The following SNX29 variants were observed in gnomAD, a reference collection of about 807,000 sequenced individuals.
SNX29 encodes sorting nexin-29.
Under a neutral mutation model 102.1 loss-of-function variants are expected in SNX29, and 78 were observed. The observed-to-expected ratio is 0.76, with a 90% confidence interval of 0.64 to 0.92. SNX29 has a LOEUF of 0.92. SNX29 is among the 40% of genes least tolerant of loss of function. SNX29 has a pLI of 0.00. For synonymous variants in SNX29, 580 were observed against 414.5 expected (o/e 1.40, Z -4.85); for missense variants, 1,280 against 1,061.7 (o/e 1.21, Z -2.86).
intron 15 of SNX29, among the ~76,000 whole-genome samples, chr16:12,332,117 G>A (rs1319014020): frequency 1.3e-5 from 2 of 152,214 alleles, no homozygotes; most frequent in Non-Finnish European, 2.9e-5. Context: ...TACTTTTGCT[G>A]TTACTGATGC....
intron 19 of SNX29, among the ~76,000 whole-genome samples, chr16:12,519,313 G>C (rs1275194772): frequency 1.3e-5 from 2 of 152,206 alleles, no homozygotes; most frequent in Non-Finnish European, 2.9e-5. Flanking sequence ...CGCAGGGGGA[G>C]TCCAGTCTGA....
At chr16:12,443,123 C>A in intron 18 of SNX29, 2 of 433,314 alleles carry the variant, frequency 4.6e-6, no homozygotes, top group South Asian at 3.3e-5. Context: ...GATGGAGCAT[C>A]TGCCTAAATC....
intron 13 of SNX29, among the ~76,000 whole-genome samples, chr16:12,152,561 C>G (rs965023645): frequency 6.6e-6 from 1 of 152,168 alleles, no homozygotes; most frequent in Non-Finnish European, 1.5e-5. Context: ...ATTCACCCAT[C>G]AAATGGGGCA....
At chr16:12,512,629 C>T (rs1484156805) in intron 19 of SNX29, among the ~76,000 whole-genome samples, 6 of 147,772 alleles carry the variant, frequency 4.1e-5, no homozygotes, top group African/African-American at 1.5e-4. Context: ...ACGAGCATCC[C>T]ATGGATACGC....
intron 14 of SNX29, among the ~76,000 whole-genome samples, chr16:12,209,172 G>T (rs2077120114): frequency 6.6e-6 from 1 of 152,200 alleles, no homozygotes; most frequent in Admixed American, 6.5e-5. Flanking sequence ...AAACTCACGG[G>T]TTGCAGGGGG....
intron 18 of SNX29, among the ~76,000 whole-genome samples, chr16:12,441,948 C>T (rs2085826798): frequency 1.3e-5 from 2 of 152,120 alleles, no homozygotes; most frequent in African/African-American, 2.4e-5. Context: ...GCCATTATGC[C>T]TGGCTAATTT....
chr16:12,540,611 G>C (rs113097321), intron 20 of SNX29, among the ~76,000 whole-genome samples: 8 of 152,258 alleles, frequency 5.3e-5, no homozygotes, highest in Middle Eastern at 3.4e-3. Flanking sequence ...GATTCCATGG[G>C]GTGGACCTAA....
At chr16:12,034,943 G>A (rs1462701248) in intron 4 of SNX29, among the ~76,000 whole-genome samples, 13 of 152,032 alleles carry the variant, frequency 8.6e-5, no homozygotes, top group African/African-American at 2.7e-4. Context: ...TCCAGGAGGC[G>A]GAGGATTCAG....
At chr16:12,266,190 G>T (rs985985913) in intron 14 of SNX29, among the ~76,000 whole-genome samples, 9 of 152,250 alleles carry the variant, frequency 5.9e-5, no homozygotes, top group Middle Eastern at 3.4e-3. Flanking sequence ...CTCCCAAAGT[G>T]CTGGGGTTGC....
chr16:12,568,657 TG>T lies in SNX29; in HGVS notation c.*29del. 1 of 1,597,542 alleles carries T rather than the reference TG, an allele frequency of 6.3e-7. No homozygotes were observed. The highest frequency in any genetic ancestry group is 1.1e-5 in the South Asian group (1 of 90,818). ...TCGACAAAACCGCAGCCACGGGCCC[TG>T]TGCGTGGCACCAGCTGCGTCCACCC... On this transcript the variant is annotated 3_prime_UTR_variant, in exon 21 of 21. Transcript: ENST00000566228.
intron 11 of SNX29, among the ~76,000 whole-genome samples, chr16:12,086,445 CTG>C (rs1317199017): frequency 6.6e-6 from 1 of 151,976 alleles, no homozygotes; most frequent in Non-Finnish European, 1.5e-5. Context: ...GGCAGGGTCT[CTG>C]TTGCCCAGGC....
chr16:12,245,095 AC>A (rs2078222523), intron 14 of SNX29, among the ~76,000 whole-genome samples: 1 of 152,024 alleles, frequency 6.6e-6, no homozygotes, highest in African/African-American at 2.4e-5. Flanking sequence ...AACAAAAATT[AC>A]TCCTAAATGG....
intron 18 of SNX29, among the ~76,000 whole-genome samples, chr16:12,461,248 C>A (rs368549033): frequency 2.0e-5 from 3 of 152,146 alleles, no homozygotes; most frequent in African/African-American, 7.2e-5. Context: ...TTGGAGCCAC[C>A]ACAAGTCTGG....
At chr16:12,505,485 T>C (rs1040884376) in intron 19 of SNX29, among the ~76,000 whole-genome samples, 1 of 152,214 alleles carries the variant, frequency 6.6e-6, no homozygotes, top group African/African-American at 2.4e-5. Context: ...AACATCCTTA[T>C]GCCAGTTCCT....
At chr16:12,317,299 C>T (rs1468452927) in intron 15 of SNX29, among the ~76,000 whole-genome samples, 3 of 152,214 alleles carry the variant, frequency 2.0e-5, no homozygotes, top group African/African-American at 7.2e-5. Flanking sequence ...CCCAGATGCG[C>T]AGGACTCAGT....
chr16:12,041,644 C>T (rs963314211), intron 4 of SNX29, among the ~76,000 whole-genome samples: 3 of 152,130 alleles, frequency 2.0e-5, no homozygotes, highest in African/African-American at 7.2e-5. Context: ...ATGGCTGCCC[C>T]ATTCTAGTCT....
chr16:12,495,274 C>G (rs1003413569), intron 19 of SNX29, among the ~76,000 whole-genome samples: 7 of 152,178 alleles, frequency 4.6e-5, no homozygotes, highest in African/African-American at 1.7e-4. Context: ...GCCTCATCCT[C>G]CCAAGTAGTT....
chr16:12,043,531 T>A (rs1014058104), intron 5 of SNX29, among the ~76,000 whole-genome samples: 29 of 152,018 alleles, frequency 1.9e-4, no homozygotes, highest in African/African-American at 5.3e-4. Context: ...ATTTAAAAAA[T>A]TTTTTTGTAG....
At chr16:12,518,075 G>A (rs1429292937) in intron 19 of SNX29, among the ~76,000 whole-genome samples, 1 of 152,198 alleles carries the variant, frequency 6.6e-6, no homozygotes, top group African/African-American at 2.4e-5. Context: ...GTTCCCATGA[G>A]CCACGCTAGT....
Sources: allele counts gnomAD v4.1 joint callset (sites outside exome capture counted in the v4.1 genomes callset), GRCh38; gene constraint gnomAD v4.1.1; transcripts MANE v1.5; gene names NCBI Gene and HGNC (gene_info 2026-07-23, HGNC 2026-07-21).